PDE1A: variants seen among roughly 807,000 people sequenced by gnomAD.
PDE1A encodes the protein dual specificity calcium/calmodulin-dependent 3',5'-cyclic nucleotide phosphodiesterase 1A.
Under a neutral mutation model 61.7 loss-of-function variants are expected in PDE1A, and 35 were observed. The observed-to-expected ratio is 0.57, with a 90% CI of 0.43 to 0.75. The LOEUF (loss-of-function observed/expected upper bound fraction) is 0.75, where lower values mean the gene tolerates loss of function less well. Ranked by LOEUF, PDE1A falls within the 30% of genes least tolerant of loss-of-function variation. The pLI, the probability that PDE1A is intolerant of heterozygous loss-of-function variation, is 0.00. For synonymous variants in PDE1A, 232 were observed against 213.2 expected (o/e 1.09, Z -0.77); for missense variants, 597 against 630.6 (o/e 0.95, Z 0.57).
At chr2:182,220,717 A>G (rs1688645368) in intron 7 of PDE1A, among the ~76,000 whole-genome samples, 1 of 152,088 alleles carries the variant, frequency 6.6e-6, no homozygotes, top group Non-Finnish European at 1.5e-5. Context: ...GCCTTGCCCT[A>G]TGTTCCAAAT....
the PDE1A span, among the ~76,000 whole-genome samples, chr2:182,560,650 C>T: frequency 1.3e-5 from 2 of 152,176 alleles, no homozygotes; most frequent in East Asian, 1.9e-4. Context: ...CTGACTTTCA[C>T]GATGGTTGAA....
At chr2:182,681,295 C>A in the PDE1A span, among the ~76,000 whole-genome samples, 18 of 150,106 alleles carry the variant, frequency 1.2e-4, no homozygotes, top group Admixed American at 1.1e-3. Context: ...GCTGGAAATT[C>A]TTTTATAATT....
chr2:182,273,137 T>C (rs1327861058), intron 1 of PDE1A, among the ~76,000 whole-genome samples: 3 of 152,206 alleles, frequency 2.0e-5, no homozygotes, highest in Admixed American at 1.3e-4. Context: ...AGCTAAAACA[T>C]TGTGATTATT....
intron 13 of PDE1A, among the ~76,000 whole-genome samples, chr2:182,174,733 A>ATTTATTTTAT (rs79890830): frequency 1.7e-4 from 26 of 151,420 alleles, no homozygotes; most frequent in African/African-American, 4.4e-4. Context: ...TTTGTTTTTT[A>ATTTATTTTAT]TTTATTTTAT....
the PDE1A span, among the ~76,000 whole-genome samples, chr2:182,667,272 C>T: frequency 6.6e-6 from 1 of 152,196 alleles, no homozygotes; most frequent in Non-Finnish European, 1.5e-5. Flanking sequence ...TCTAAATAGT[C>T]TGATTACCTT....
chr2:182,637,098 C>G, the PDE1A span, among the ~76,000 whole-genome samples: 169 of 152,324 alleles, frequency 1.1e-3, no homozygotes, highest in Non-Finnish European at 1.8e-3. Flanking sequence ...GGATAATCTT[C>G]CTATTTTAAT....
chr2:182,142,367 C>T (rs571039063), downstream of PDE1A: 3 of 152,184 alleles, frequency 2.0e-5, no homozygotes, highest in Admixed American at 6.5e-5. Flanking sequence ...TGGGGACGGA[C>T]GCAGGCTGGT....
chr2:182,192,985 TTTTTG>T (rs1465028926), intron 10 of PDE1A, among the ~76,000 whole-genome samples: 2 of 152,166 alleles, frequency 1.3e-5, no homozygotes, highest in African/African-American at 2.4e-5. Flanking sequence ...TTTTGCTTTG[TTTTTG>T]TTTTTCTTTT....
intron 2 of PDE1A, chr2:182,241,715 C>A: frequency 2.9e-6 from 2 of 690,048 alleles, no homozygotes; most frequent in South Asian, 3.6e-5. Context: ...AAAAAATAAA[C>A]ATAAGTTCTG....
chr2:182,658,598 G>T, the PDE1A span, among the ~76,000 whole-genome samples: 1 of 152,222 alleles, frequency 6.6e-6, no homozygotes, highest in Non-Finnish European at 1.5e-5. Context: ...GGATTCCACA[G>T]TGTAACTGAG....
rs1334258505 is a variant in PDE1A at position 182,236,406 on chromosome 2, A to T, written c.351-1908T>A. ...TTCTAGTCATTACTATTAATACTAA[A>T]AAAATGGAGGTGCAGGGGAAATGGA... is the stretch of plus-strand genomic sequence containing the variant. On this transcript the variant is annotated intron_variant, in intron 3 of 13. Coordinates refer to ENST00000351439, the Ensembl canonical transcript of PDE1A. Among the ~76,000 whole-genome samples, 3 of 152,076 alleles carry T rather than the reference A, an allele frequency of 2.0e-5. No individual in the cohort carries two copies. The East Asian group carries it at 5.8e-4, about 29-fold the overall frequency.
chr2:182,322,781 T>C (rs1696781886), intron 1 of PDE1A, among the ~76,000 whole-genome samples: 1 of 152,206 alleles, frequency 6.6e-6, no homozygotes, highest in African/African-American at 2.4e-5. Context: ...ACTCCAGTGA[T>C]ACAGATAGGT....
At chr2:182,387,751 C>G (rs572760427) in intron 1 of PDE1A, among the ~76,000 whole-genome samples, 1 of 149,598 alleles carries the variant, frequency 6.7e-6, no homozygotes, top group African/African-American at 2.4e-5. Context: ...GAGTAAAACT[C>G]CATCTTAAAA....
intron 13 of PDE1A, among the ~76,000 whole-genome samples, chr2:182,157,712 T>C (rs1431205989): frequency 6.6e-6 from 1 of 152,214 alleles, no homozygotes; most frequent in Admixed American, 6.5e-5. Flanking sequence ...CAAATGCTGG[T>C]GGTATGCATA....
At chr2:182,225,510 G>T (rs773926192) in intron 6 of PDE1A, among the ~76,000 whole-genome samples, 4 of 151,850 alleles carry the variant, frequency 2.6e-5, no homozygotes, top group Non-Finnish European at 5.9e-5. Context: ...TTGTTAAATT[G>T]TAGTTTTGCA....
the PDE1A span, among the ~76,000 whole-genome samples, chr2:182,677,059 C>A: frequency 6.6e-6 from 1 of 152,098 alleles, no homozygotes; most frequent in Non-Finnish European, 1.5e-5. Flanking sequence ...GAAGTCTTGG[C>A]CAGCGCAATC....
In PDE1A at chr2:182,242,104, T is replaced by C. The variant is rs146449020; in HGVS notation, c.168-1812A>G. On this transcript the variant is annotated intron_variant, in intron 2 of 13. Transcript: ENST00000351439. ...TGTCACCATGCTCCAAGCATTCCAC[T>C]GCAGCCTAGTTTTGTCAGCTAATCT... The C allele has an allele frequency of 7.3e-3, 9,219 of 1,267,464 alleles. 94 individuals are homozygous for C. Among genetic ancestry groups the C allele is most frequent in the Middle Eastern group, 0.048 (173 of 3,622 alleles). 78.5% of individuals were successfully genotyped at this position (1,267,464 alleles called of 1,614,324 possible).
chr2:182,383,398 A>G (rs562080835), intron 1 of PDE1A, among the ~76,000 whole-genome samples: 1 of 152,342 alleles, frequency 6.6e-6, no homozygotes. Flanking sequence ...TGTAGATTGT[A>G]GTTTAATGAA....
chr2:182,411,161 T>C (rs1196440763), intron 1 of PDE1A, among the ~76,000 whole-genome samples: 1 of 152,230 alleles, frequency 6.6e-6, no homozygotes, highest in African/African-American at 2.4e-5. Flanking sequence ...ATAACCACTG[T>C]CCTACATTAG....
Sources: gnomAD v4.1 joint callset for allele counts (sites outside exome capture counted in the v4.1 genomes callset) on GRCh38, gnomAD v4.1.1 for gene constraint, MANE v1.5 for transcripts, NCBI Gene and HGNC (gene_info 2026-07-23, HGNC 2026-07-21) for gene names.